Variants in PLA2G6 observed in about 807,000 individuals in gnomAD.
The protein encoded by PLA2G6 is phospholipase A2 group VI, also known as 85/88 kDa calcium-independent phospholipase A2.
In PLA2G6, 62 loss-of-function variants were observed where a neutral mutation model predicts 83.8. That is an observed-to-expected ratio of 0.74 (90% CI 0.60 to 0.91). The LOEUF (loss-of-function observed/expected upper bound fraction) is 0.91, where lower values mean the gene tolerates loss of function less well. Among genes scored for constraint, PLA2G6 ranks in the 40% least tolerant of loss-of-function variants. PLA2G6 has a pLI of 0.00. For synonymous variants in PLA2G6, 417 were observed against 449.8 expected (o/e 0.93, Z 0.92); for missense variants, 944 against 1,102.0 (o/e 0.86, Z 2.03).
intron 2 of PLA2G6, among the ~76,000 whole-genome samples, chr22:38,165,362 C>T (rs1014426806): frequency 6.6e-6 from 1 of 152,112 alleles, no homozygotes; most frequent in Non-Finnish European, 1.5e-5. Flanking sequence ...AGTGCAGGGA[C>T]GGGTGCCATG....
rs1480981802 is a variant in PLA2G6, at chr22:38,143,142, T to C, written c.572A>G (p.His191Arg). ...VTDYKGETVF[H>R]YAVQGDNSQV... ...AGAATTGTCACCCTGGACAGCATAATGGAAGACGGTCTCTCCCTTGTAGTC... is the reference window on the plus strand; with the variant it reads ...AGAATTGTCACCCTGGACAGCATAACGGAAGACGGTCTCTCCCTTGTAGTC... Residue 191 changes from histidine (H) to arginine (R), a missense_variant, in exon 4 of 17, where the codon CAT becomes CGT. Physicochemically the swap from His to Arg is conservative, Grantham distance 29. Transcript: ENST00000332509. 9 of 1,614,068 alleles carry C rather than the reference T, an allele frequency of 5.6e-6. No homozygotes were observed. Among genetic ancestry groups the C allele is most frequent in the Non-Finnish European group, 7.6e-6 (9 of 1,180,040 alleles).
At chr22:38,143,357 C>A in intron 3 of PLA2G6, 69 bp from the exon 4 acceptor site, 1 of 1,466,704 alleles carries the variant, frequency 6.8e-7, no homozygotes, top group Admixed American at 1.7e-5. Flanking sequence ...GACCTAAGTG[C>A]ACATGCAGGG....
At chr22:38,167,374 A>G (rs757068086) in intron 2 of PLA2G6, among the ~76,000 whole-genome samples, 2 of 152,218 alleles carry the variant, frequency 1.3e-5, no homozygotes, top group Non-Finnish European at 2.9e-5. Flanking sequence ...TGGCTGAGAC[A>G]AATCTGGAAT....
At chr22:38,179,544 G>GAGGCCAAGGC (rs1235437794) in intron 1 of PLA2G6, among the ~76,000 whole-genome samples, 1 of 152,190 alleles carries the variant, frequency 6.6e-6, no homozygotes, top group Non-Finnish European at 1.5e-5. Flanking sequence ...ACCACTTTGG[G>GAGGCCAAGGC]AGGCCAAGGC....
At chr22:38,148,774 A>G (rs1355152288) in intron 2 of PLA2G6, 1 of 458,396 alleles carries the variant, frequency 2.2e-6, no homozygotes, top group Non-Finnish European at 3.9e-6. Flanking sequence ...CAGAAACTAG[A>G]CTGAGGTTAT....
At chr22:38,136,924 G>A (rs1448371698) in intron 5 of PLA2G6, 5 of 152,246 alleles carry the variant, frequency 3.3e-5, no homozygotes, top group South Asian at 4.2e-4. Flanking sequence ...CCAGGCTGGA[G>A]GGCAATGGCA....
In PLA2G6 at chr22:38,121,756, C is replaced by A. The variant is rs77717364; in HGVS notation, c.1592-847G>T. On this transcript the variant is annotated intron_variant, in intron 11 of 16. Coordinates refer to ENST00000332509, the MANE Select transcript of PLA2G6 (RefSeq NM_003560.4). ...GGAAGAAATGGTCCCTGAAGAAGGA[C>A]GTGGCCCTTTTGGAGAAGAAGCTAG... is the stretch of plus-strand genomic sequence containing the variant. Among the ~76,000 whole-genome samples, 790 of 152,284 alleles carry A rather than the reference C, an allele frequency of 5.2e-3. 9 individuals are homozygous for A. Among genetic ancestry groups the A allele is most frequent in the African/African-American group, 0.018 (766 of 41,552 alleles).
intron 1 of PLA2G6, among the ~76,000 whole-genome samples, chr22:38,170,996 CCCCG>C (rs2090414832): frequency 6.6e-6 from 1 of 152,014 alleles, no homozygotes; most frequent in Non-Finnish European, 1.5e-5. Context: ...CATGGAGAAA[CCCCG>C]TCTCTACTAA....
At chr22:38,169,604 A>T (rs2090356351) in intron 1 of PLA2G6, 133 bp from the exon 2 acceptor site, 1 of 646,422 alleles carries the variant, frequency 1.5e-6, no homozygotes. Context: ...GCCTGGAGGG[A>T]TCTTAAAAGG....
Position 38,112,487 on chromosome 22 carries a change from G to A in PLA2G6, c.2276+17C>T, listed in dbSNP as rs577215031. ...GCCAGGGCACGGGGCCAAGGGCTGG[G>A]GCGGCTGAGCCCTCACCTGAAGTAC... On this transcript the variant is annotated intron_variant, in intron 16 of 16. Transcript: ENST00000332509. 6.5e-7 allele frequency: 1 copy of A among 1,549,386 alleles called. No individual in the cohort carries two copies. Among genetic ancestry groups the A allele is most frequent in the African/African-American group, 1.4e-5 (1 of 73,188 alleles).
Position 38,125,230 on chromosome 22 carries a change from ATG to A in PLA2G6, c.1427+1139_1427+1140del, listed in dbSNP as rs1182964129. Among the ~76,000 whole-genome samples the A allele has an allele frequency of 7.9e-5, 12 of 152,182 alleles. No homozygotes were observed. The East Asian group carries it at 1.5e-3, about 20-fold the overall frequency. On this transcript the variant is annotated intron_variant, in intron 10 of 16. Transcript: ENST00000332509. ...CATGCACGTGTGTTTGCATGTGTGC[ATG>A]TGTGTGCGTGTCCATGTGTTTGCAT...
intron 2 of PLA2G6, 119 bp downstream of exon 2, chr22:38,169,099 C>A (rs1050554464): frequency 3.7e-6 from 3 of 802,452 alleles, no homozygotes; most frequent in Non-Finnish European, 6.4e-6. Context: ...TCTCTCCCAC[C>A]CCTCTCCAGA....
intron 5 of PLA2G6, chr22:38,139,053 G>C (rs2088722387): frequency 6.6e-6 from 1 of 152,148 alleles, no homozygotes; most frequent in Admixed American, 6.6e-5. Flanking sequence ...CCTGACACCA[G>C]GGGTTCCCAG....
chr22:38,169,210 T>C lies in PLA2G6; in HGVS notation c.209+8A>G. 6.2e-7 allele frequency: 1 copy of C among 1,604,162 alleles called. No homozygotes were observed. Among genetic ancestry groups the C allele is most frequent in the Non-Finnish European group, 8.5e-7 (1 of 1,171,202 alleles). On this transcript the variant is annotated splice_region_variant and intron_variant, in intron 2 of 16. Transcript: ENST00000332509. ...GAGAGAAGTATGTTCCCGCTGAGCA[T>C]CACCCACCGGAATCCACTCTGTGAG...
chr22:38,128,916 C>T lies in PLA2G6; in HGVS notation c.1187-486G>A, dbSNP rs1356617279. On this transcript the variant is annotated intron_variant, in intron 8 of 16. Coordinates refer to ENST00000332509, the MANE Select transcript of PLA2G6 (RefSeq NM_003560.4). The surrounding 1 kb of genome is among the most constrained non-coding windows in gnomAD (Gnocchi z 4.4). ...ACACACACACTGCTGCCATCAGGTACCTGCCCACAGTGACCCCCACAGCTG... is the reference window on the plus strand; with the variant it reads ...ACACACACACTGCTGCCATCAGGTATCTGCCCACAGTGACCCCCACAGCTG... 6.6e-6 allele frequency among the ~76,000 whole-genome samples: 1 copy of T among 152,240 alleles called. No individual in the cohort carries two copies. Among genetic ancestry groups the T allele is most frequent in the African/African-American group, 2.4e-5 (1 of 41,464 alleles).
intron 2 of PLA2G6, among the ~76,000 whole-genome samples, chr22:38,151,200 G>C (rs1267941646): frequency 6.6e-6 from 1 of 150,888 alleles, no homozygotes; most frequent in Non-Finnish European, 1.5e-5. Flanking sequence ...CAGAGACTTT[G>C]TCATTAGCAG....
At chr22:38,112,623 G>C in intron 15 of PLA2G6, 46 bp from the exon 16 acceptor site, 3 of 1,488,910 alleles carry the variant, frequency 2.0e-6, no homozygotes, top group Non-Finnish European at 2.7e-6. Flanking sequence ...CACCCCGCCC[G>C]GCCCGCACCC....
Position 38,112,053 on chromosome 22 carries a change from C to T in PLA2G6, c.*108G>A. 2.3e-6 allele frequency: 3 copies of T among 1,329,414 alleles called. No homozygotes were observed. Among genetic ancestry groups the T allele is most frequent in the Non-Finnish European group, 3.2e-6 (3 of 948,804 alleles). The allele number at this position is 1,329,414 out of a possible 1,614,324, so 82.4% of individuals were successfully genotyped here. Reference sequence around the variant, plus strand: ...CATTCTCCCAGGCCTGGTCTATGGACTCAGAGGTGCCTGGGCCCAGATCTG... The same window carrying T: ...CATTCTCCCAGGCCTGGTCTATGGATTCAGAGGTGCCTGGGCCCAGATCTG... On this transcript the variant is annotated 3_prime_UTR_variant, in exon 17 of 17. Transcript: ENST00000332509.
intron 16 of PLA2G6, 93 bp downstream of exon 16, chr22:38,112,411 A>AGGGAAAGTCCACACTAGGGCTGGGAG: frequency 2.0e-6 from 3 of 1,516,416 alleles, no homozygotes; most frequent in Non-Finnish European, 2.7e-6. Flanking sequence ...CCCTTGGGGA[A>AGGGAAAGTCCACACTAGGGCTGGGAG]GGGAAAGTCC....
Sources: allele counts gnomAD v4.1 joint callset (sites outside exome capture counted in the v4.1 genomes callset), GRCh38; gene constraint gnomAD v4.1.1; non-coding constraint Gnocchi (gnomAD v3.1); transcripts MANE v1.5; gene names NCBI Gene and HGNC (gene_info 2026-07-23, HGNC 2026-07-21).